EFL1: variants seen among roughly 807,000 people sequenced by gnomAD.
EFL1 encodes elongation factor-like GTPase 1.
EFL1 carries 76 observed loss-of-function variants against 126.7 expected under a neutral mutation model. That is an observed-to-expected ratio of 0.60 (90% CI 0.50 to 0.73). EFL1 has a LOEUF of 0.73. Among genes scored for constraint, EFL1 ranks in the 30% least tolerant of loss-of-function variants. The pLI is 0.00. For synonymous variants in EFL1, 410 were observed against 448.4 expected, an observed-to-expected ratio of 0.91 and a Z score of 1.08; for missense variants, 1,128 against 1,343.2, an observed-to-expected ratio of 0.84 and a Z score of 2.50.
chr15:82,244,938 G>A (rs2074957940), intron 4 of EFL1, among the ~76,000 whole-genome samples: 1 of 152,106 alleles, frequency 6.6e-6, no homozygotes, highest in Non-Finnish European at 1.5e-5. Context: ...AAGAAGATCT[G>A]AACCTCCTGA....
intron 4 of EFL1, among the ~76,000 whole-genome samples, chr15:82,249,552 C>G (rs537752999): frequency 6.6e-6 from 1 of 152,088 alleles, no homozygotes; most frequent in East Asian, 1.9e-4. Flanking sequence ...TCTTCTGTAT[C>G]TGGATTCTAG....
In EFL1 at chr15:82,156,496, G is replaced by A. The variant is rs533571599; in HGVS notation, c.2030+1217C>T. On this transcript the variant is annotated intron_variant, in intron 17 of 19. Transcript: ENST00000268206. The stretch of plus-strand genomic sequence containing the variant: ...GAGGGAGTTTCACCATGTTGGCCAG[G>A]ATGGTCTCGATCTCCTGACCTCGTG... Among the ~76,000 whole-genome samples, 34 of 152,264 alleles carry A rather than the reference G, an allele frequency of 2.2e-4. No individual in the cohort carries two copies. In the Middle Eastern group the frequency reaches 0.014, roughly 61 times the overall value.
At chr15:82,174,699 C>T (rs1204122290) in intron 15 of EFL1, among the ~76,000 whole-genome samples, 2 of 152,080 alleles carry the variant, frequency 1.3e-5, no homozygotes, top group Non-Finnish European at 2.9e-5. Flanking sequence ...GAGTCTTAGC[C>T]TTCAGTTTAA....
intron 15 of EFL1, among the ~76,000 whole-genome samples, chr15:82,179,602 T>G (rs1272024186): frequency 1.3e-5 from 2 of 152,112 alleles, no homozygotes; most frequent in South Asian, 4.1e-4. Context: ...ATCTCCCAGA[T>G]AAGAAGGCTA....
chr15:82,171,779 G>A (rs1485085929), intron 15 of EFL1, among the ~76,000 whole-genome samples: 1 of 152,084 alleles, frequency 6.6e-6, no homozygotes, highest in Non-Finnish European at 1.5e-5. Flanking sequence ...CTACCAAAGT[G>A]ATAGAATCCA....
chr15:82,206,843 T>G (rs1170092420), intron 15 of EFL1, among the ~76,000 whole-genome samples: 1 of 152,100 alleles, frequency 6.6e-6, no homozygotes, highest in Admixed American at 6.5e-5. Flanking sequence ...TTAAACAGAC[T>G]AGAGAACAAT....
At chr15:82,166,412 A>G (rs1353373656) in intron 15 of EFL1, among the ~76,000 whole-genome samples, 2 of 152,368 alleles carry the variant, frequency 1.3e-5, no homozygotes, top group East Asian at 3.9e-4. Context: ...CTAAGATTAG[A>G]ATTTATGGAA....
intron 4 of EFL1, among the ~76,000 whole-genome samples, chr15:82,252,099 A>G (rs911833900): frequency 6.6e-6 from 1 of 152,178 alleles, no homozygotes; most frequent in Non-Finnish European, 1.5e-5. Flanking sequence ...TATATTAAAC[A>G]TTTGTTTTAA....
intron 15 of EFL1, among the ~76,000 whole-genome samples, chr15:82,166,121 TCATC>T (rs2074077395): frequency 6.6e-6 from 1 of 152,304 alleles, no homozygotes; most frequent in East Asian, 1.9e-4. Flanking sequence ...CTTTCAAACC[TCATC>T]CATCCTGCTT....
chr15:82,145,212 A>G (rs935840163), intron 18 of EFL1, among the ~76,000 whole-genome samples: 5 of 150,704 alleles, frequency 3.3e-5, no homozygotes, highest in Non-Finnish European at 7.4e-5. Context: ...GTGAGGCAGG[A>G]GAATAGCTTG....
chr15:82,223,430 A>G (rs2074731670), intron 12 of EFL1, among the ~76,000 whole-genome samples: 2 of 152,318 alleles, frequency 1.3e-5, no homozygotes, highest in Middle Eastern at 3.4e-3. Context: ...CATGGAATAG[A>G]ATGGATTGCA....
chr15:82,147,288 C>T lies in EFL1; in HGVS notation c.2989+4177G>A, dbSNP rs571979010. On this transcript the variant is annotated intron_variant, in intron 18 of 19. Transcript: ENST00000268206. ...GGGAGGAAATACATGTTCCCATTAT[C>T]TTGAGAGCACGGATAGGCACAGACC... Among the ~76,000 whole-genome samples, 10 of 152,216 alleles carry T rather than the reference C, an allele frequency of 6.6e-5. No individual in the cohort carries two copies. In the South Asian group the frequency reaches 2.1e-3, roughly 32 times the overall value.
At position 82,220,104 on chromosome 15, in the gene EFL1, G is replaced by A; in HGVS notation, c.1418C>T (p.Thr473Ile). 1 of 1,612,036 alleles carries A rather than the reference G, an allele frequency of 6.2e-7. No homozygotes were observed. Among genetic ancestry groups the A allele is most frequent in the East Asian group, 2.2e-5 (1 of 44,866 alleles). ...EPTQDGSAIE[T>I]CPKGEEPRGD... ...TCTTGGCTCCTCTCCTTTTGGACAT[G>A]TTTCAATGGCACTCCCATCTTGGGT... is the stretch of plus-strand genomic sequence containing the variant. The change falls in exon 13 of 20, where the codon ACA becomes ATA. Residue 473 changes from threonine (T) to isoleucine (I), a missense_variant. Around this residue, in one of 6 missense-constraint regions of EFL1, gnomAD observed 120 missense variants for 142.1 expected, o/e 0.84. Coordinates refer to ENST00000268206, the MANE Select transcript of EFL1 (RefSeq NM_024580.6).
chr15:82,257,801 G>A (rs1157638011), intron 3 of EFL1, among the ~76,000 whole-genome samples: 1 of 152,170 alleles, frequency 6.6e-6, no homozygotes, highest in Non-Finnish European at 1.5e-5. Flanking sequence ...TGTTAGCTGG[G>A]TTAATCTTTT....
intron 15 of EFL1, among the ~76,000 whole-genome samples, chr15:82,213,314 A>G (rs1377039567): frequency 6.6e-6 from 1 of 152,196 alleles, no homozygotes; most frequent in African/African-American, 2.4e-5. Context: ...AAAGACATCA[A>G]GGTATATCTC....
At chr15:82,186,411 A>G (rs2074304355) in intron 15 of EFL1, among the ~76,000 whole-genome samples, 1 of 152,222 alleles carries the variant, frequency 6.6e-6, no homozygotes, top group Non-Finnish European at 1.5e-5. Context: ...CCTAAAAAGC[A>G]CATCTCTTAA....
chr15:82,228,132 A>T, intron 10 of EFL1, 59 bp downstream of exon 10: 1 of 1,541,944 alleles, frequency 6.5e-7, no homozygotes, highest in Non-Finnish European at 8.7e-7. Flanking sequence ...ACCATAACGC[A>T]TTGTTTTTTC....
At chr15:82,215,398 T>G (rs940751463) in intron 14 of EFL1, among the ~76,000 whole-genome samples, 1 of 152,134 alleles carries the variant, frequency 6.6e-6, no homozygotes, top group Non-Finnish European at 1.5e-5. Context: ...ATTGTTCATA[T>G]GGAAGAGCAT....
At chr15:82,240,277 C>G in intron 6 of EFL1, 141 bp downstream of exon 6, 4 of 765,418 alleles carry the variant, frequency 5.2e-6, no homozygotes, top group South Asian at 2.1e-5. Flanking sequence ...TCTATTGCCT[C>G]TCTTGTAGAA....
Sources: gnomAD v4.1 joint callset for allele counts (sites outside exome capture counted in the v4.1 genomes callset) on GRCh38, gnomAD v4.1.1 for gene constraint, gnomAD v4.1.1 regional missense constraint, MANE v1.5 for transcripts, NCBI Gene and HGNC (gene_info 2026-07-23, HGNC 2026-07-21) for gene names.